The following KCNMA1 variants were observed in gnomAD, a reference collection of about 807,000 sequenced individuals.
KCNMA1 encodes Calcium-activated potassium channel subunit alpha-1.
A neutral mutation model predicts 140.0 loss-of-function variants in KCNMA1; 29 were observed. That is an observed-to-expected ratio of 0.21 (90% CI 0.15 to 0.28). KCNMA1 has a LOEUF of 0.28. Ranked by LOEUF, KCNMA1 falls within the 10% of genes least tolerant of loss-of-function variation. The probability of loss-of-function intolerance (pLI) is 1.00; values close to 1 mark genes in which losing one functional copy is unlikely to be tolerated. For synonymous variants in KCNMA1, 612 were observed against 611.9 expected, an observed-to-expected ratio of 1.00 and a Z score of 0.00; for missense variants, 880 against 1,602.2, an observed-to-expected ratio of 0.55 and a Z score of 7.70.
intron 19 of KCNMA1, among the ~76,000 whole-genome samples, chr10:76,997,324 G>A (rs944587048): frequency 6.6e-6 from 1 of 152,198 alleles, no homozygotes; most frequent in South Asian, 2.1e-4. Flanking sequence ...TTTGCAAAAG[G>A]CTGCATGTAA....
At chr10:77,243,683 A>C (rs552414058) in intron 3 of KCNMA1, among the ~76,000 whole-genome samples, 20 of 152,296 alleles carry the variant, frequency 1.3e-4, no homozygotes, top group African/African-American at 4.3e-4. Flanking sequence ...AATTGGGCAA[A>C]ATGTCCTCAA....
chr10:77,226,142 G>A (rs900075920), intron 3 of KCNMA1, among the ~76,000 whole-genome samples: 5 of 151,992 alleles, frequency 3.3e-5, no homozygotes, highest in African/African-American at 9.7e-5. Flanking sequence ...ATTAAAAGAG[G>A]GCATGCTGCT....
chr10:77,283,741 A>C (rs479033), intron 2 of KCNMA1, among the ~76,000 whole-genome samples: 127,510 of 152,172 alleles, frequency 0.84, 53,595 homozygotes, highest in Middle Eastern at 0.9. Flanking sequence ...GAGACAAAAA[A>C]CAGATAGTAG....
intron 25 of KCNMA1, among the ~76,000 whole-genome samples, chr10:76,896,219 C>T (rs1345013989): frequency 1.3e-5 from 2 of 152,174 alleles, no homozygotes; most frequent in Non-Finnish European, 2.9e-5. Context: ...CCTGGGAATG[C>T]ATTCTTTTCC....
chr10:77,295,273 G>A (rs953379987), intron 2 of KCNMA1, among the ~76,000 whole-genome samples: 5 of 151,936 alleles, frequency 3.3e-5, no homozygotes, highest in South Asian at 2.1e-4. Context: ...CTTGAATCCC[G>A]GAGGCAGAGG....
At chr10:77,368,675 T>G (rs1268290889) in intron 2 of KCNMA1, among the ~76,000 whole-genome samples, 2 of 152,262 alleles carry the variant, frequency 1.3e-5, no homozygotes. Context: ...TACACTTATA[T>G]CTGTGATCCA....
At chr10:77,567,954 T>C (rs549422912) in intron 1 of KCNMA1, among the ~76,000 whole-genome samples, 10 of 152,290 alleles carry the variant, frequency 6.6e-5, no homozygotes, top group African/African-American at 2.4e-4. Flanking sequence ...TAGCCAGGTG[T>C]GCTCTACGCA....
chr10:77,191,126 A>G (rs67015524), intron 3 of KCNMA1, among the ~76,000 whole-genome samples: 34,986 of 152,126 alleles, frequency 0.23, 4,550 homozygotes, highest in Middle Eastern at 0.29. Flanking sequence ...ACCTCTGGAT[A>G]TCCTGGATAA....
chr10:77,500,200 T>C (rs1272416379), intron 1 of KCNMA1, among the ~76,000 whole-genome samples: 1 of 151,080 alleles, frequency 6.6e-6, no homozygotes, highest in Non-Finnish European at 1.5e-5. Context: ...AACATATTAG[T>C]TATTACAATC....
At chr10:77,159,376 G>A (rs961622599) in intron 5 of KCNMA1, among the ~76,000 whole-genome samples, 3 of 151,694 alleles carry the variant, frequency 2.0e-5, no homozygotes, top group African/African-American at 7.3e-5. Context: ...ATCTATCTTA[G>A]ATAGATGTTC....
intron 1 of KCNMA1, among the ~76,000 whole-genome samples, chr10:77,530,554 T>C (rs981744672): frequency 1.3e-5 from 2 of 152,204 alleles, no homozygotes; most frequent in African/African-American, 4.8e-5. Context: ...GCAGACAGCG[T>C]TGCCTGTGAG....
chr10:77,357,159 G>A (rs147721418), intron 2 of KCNMA1, among the ~76,000 whole-genome samples: 8 of 152,342 alleles, frequency 5.3e-5, no homozygotes, highest in African/African-American at 1.9e-4. Flanking sequence ...AATCAGCTAA[G>A]CCTGAAGAGA....
intron 3 of KCNMA1, among the ~76,000 whole-genome samples, chr10:77,235,916 C>A (rs1029815574): frequency 7.9e-5 from 12 of 152,178 alleles, no homozygotes; most frequent in Non-Finnish European, 1.8e-4. Context: ...GAGTGTCATG[C>A]CTGATAAAAG....
intron 2 of KCNMA1, among the ~76,000 whole-genome samples, chr10:77,265,360 C>T (rs756616152): frequency 2.0e-5 from 3 of 152,146 alleles, no homozygotes; most frequent in Non-Finnish European, 4.4e-5. Context: ...CCAGAATGTG[C>T]ATTTCTAATA....
intron 2 of KCNMA1, among the ~76,000 whole-genome samples, chr10:77,343,531 C>A (rs2091479480): frequency 6.6e-6 from 1 of 152,106 alleles, no homozygotes; most frequent in Non-Finnish European, 1.5e-5. Flanking sequence ...TGGCTGTTGG[C>A]ATTCATTTCA....
At chr10:77,348,897 A>T (rs2092539751) in intron 2 of KCNMA1, among the ~76,000 whole-genome samples, 1 of 152,012 alleles carries the variant, frequency 6.6e-6, no homozygotes, top group Non-Finnish European at 1.5e-5. Flanking sequence ...CAAAAGCCAC[A>T]TCCCTCTCTC....
chr10:77,094,604 C>T (rs193058601), intron 9 of KCNMA1, among the ~76,000 whole-genome samples: 5 of 152,260 alleles, frequency 3.3e-5, no homozygotes, highest in East Asian at 1.9e-4. Context: ...TAAGTTCCAC[C>T]GGTCAGGAAC....
At position 77,590,144 on chromosome 10, in the gene KCNMA1, G is replaced by T. The variant is rs570632346; in HGVS notation, c.378+47121C>A. Among the ~76,000 whole-genome samples the T allele has an allele frequency of 6.2e-4, 95 of 152,336 alleles. 2 individuals carry two copies. The highest frequency in any genetic ancestry group is 1.2e-3 in the Non-Finnish European group (84 of 68,040). On this transcript the variant is annotated intron_variant, in intron 1 of 27. Coordinates refer to ENST00000286628, the MANE Select transcript of KCNMA1 (RefSeq NM_001161352.2). The stretch of plus-strand genomic sequence containing the variant: ...TGAGCTAGATACAGAGTGCCGACTG[G>T]TGTATTTACAATCTCTTAGCTAGAC...
intron 5 of KCNMA1, among the ~76,000 whole-genome samples, chr10:77,172,158 A>G (rs564653983): frequency 1.3e-5 from 2 of 152,268 alleles, no homozygotes; most frequent in Non-Finnish European, 2.9e-5. Context: ...GAATCAAGGC[A>G]TCTATTTTTT....
Sources: gnomAD v4.1 joint callset for allele counts (sites outside exome capture counted in the v4.1 genomes callset) on GRCh38, gnomAD v4.1.1 for gene constraint, MANE v1.5 for transcripts, NCBI Gene and HGNC (gene_info 2026-07-23, HGNC 2026-07-21) for gene names.